ATXN1: variants seen among roughly 807,000 people sequenced by gnomAD.
The protein encoded by ATXN1 is ataxin 1.
In ATXN1, 8 loss-of-function variants were observed where a neutral mutation model predicts 56.4. That is an observed-to-expected ratio of 0.14 (90% CI 0.08 to 0.26). The LOEUF (loss-of-function observed/expected upper bound fraction) is 0.26, where lower values mean the gene tolerates loss of function less well. ATXN1 is among the 10% of genes least tolerant of loss of function. ATXN1 has a pLI of 1.00. For synonymous variants in ATXN1, 514 were observed against 494.6 expected, an observed-to-expected ratio of 1.04 and a Z score of -0.52; for missense variants, 987 against 1,106.5, an observed-to-expected ratio of 0.89 and a Z score of 1.53.
chr6:16,479,868 T>C (rs77507217), intron 6 of ATXN1, among the ~76,000 whole-genome samples: 2,191 of 152,264 alleles, frequency 0.014, 48 homozygotes, highest in African/African-American at 0.05. Context: ...AGATCCAAAA[T>C]GTGCCAGGCG....
chr6:16,759,528 C>CG (rs1561842989), intron 1 of ATXN1, among the ~76,000 whole-genome samples: 1 of 64,472 alleles, frequency 1.6e-5, no homozygotes, highest in South Asian at 4.9e-4. Context: ...CTTCTTCCGA[C>CG]TGTTTTTTTT....
intron 6 of ATXN1, among the ~76,000 whole-genome samples, chr6:16,364,322 T>G (rs952339367): frequency 2.0e-5 from 3 of 150,752 alleles, no homozygotes; most frequent in African/African-American, 4.9e-5. Context: ...TTTTTTTTTT[T>G]GGAGATGGAG....
chr6:16,400,266 A>G (rs534379389), intron 6 of ATXN1, among the ~76,000 whole-genome samples: 1 of 152,296 alleles, frequency 6.6e-6, no homozygotes, highest in African/African-American at 2.4e-5. Flanking sequence ...TCCTCAGAAC[A>G]TTCTCTCCAA....
At chr6:16,513,517 A>G (rs1174799591) in intron 5 of ATXN1, among the ~76,000 whole-genome samples, 1 of 151,936 alleles carries the variant, frequency 6.6e-6, no homozygotes, top group Non-Finnish European at 1.5e-5. Context: ...TTAAATATGC[A>G]CCTCCCCCGG....
intron 6 of ATXN1, among the ~76,000 whole-genome samples, chr6:16,389,315 T>C (rs971909734): frequency 7.9e-6 from 1 of 126,944 alleles, no homozygotes; most frequent in African/African-American, 3.3e-5. Flanking sequence ...CCAGCCTGAG[T>C]GACAGAGCGA....
chr6:16,511,932 C>T (rs1435633819), intron 5 of ATXN1, among the ~76,000 whole-genome samples: 2 of 152,208 alleles, frequency 1.3e-5, no homozygotes, highest in African/African-American at 4.8e-5. Flanking sequence ...TTCCAGGTAG[C>T]TTGGCTTCCT....
intron 3 of ATXN1, among the ~76,000 whole-genome samples, chr6:16,638,443 C>A (rs1393460869): frequency 1.0e-5 from 1 of 99,178 alleles, no homozygotes. Flanking sequence ...TAGACGCTGC[C>A]TCAAAAAAAA....
At chr6:16,448,676 T>TAA (rs763597488) in intron 6 of ATXN1, among the ~76,000 whole-genome samples, 4 of 152,212 alleles carry the variant, frequency 2.6e-5, no homozygotes, top group Non-Finnish European at 4.4e-5. Flanking sequence ...ACAAGGACAC[T>TAA]ATATACAGTT....
chr6:16,306,317 C>T lies in ATXN1; in HGVS notation c.*12G>A. Reference sequence around the variant, plus strand: ...TAAGGGAGAGCCACGTTTCCTTTCCCCCACGCTGCCTCTACTTGCCTACAT... The same window carrying T: ...TAAGGGAGAGCCACGTTTCCTTTCCTCCACGCTGCCTCTACTTGCCTACAT... On this transcript the variant is annotated 3_prime_UTR_variant, in exon 8 of 8. Coordinates refer to ENST00000436367, the MANE Select transcript of ATXN1 (RefSeq NM_001128164.2). The surrounding 1 kb of genome is among the most constrained non-coding windows in gnomAD (Gnocchi z 5.2). 6.3e-7 allele frequency: 1 copy of T among 1,586,892 alleles called. No homozygotes were observed. The highest frequency in any genetic ancestry group is 8.6e-7 in the Non-Finnish European group (1 of 1,168,034).
intron 3 of ATXN1, among the ~76,000 whole-genome samples, chr6:16,602,645 T>TTTC (rs1314917566): frequency 1.3e-5 from 2 of 151,970 alleles, no homozygotes; most frequent in Non-Finnish European, 2.9e-5. Context: ...ACAGATGGGG[T>TTTC]TTCACCGTGT....
intron 2 of ATXN1, among the ~76,000 whole-genome samples, chr6:16,661,471 G>T (rs1168512842): frequency 6.6e-6 from 1 of 152,140 alleles, no homozygotes; most frequent in Non-Finnish European, 1.5e-5. Flanking sequence ...TGATTGTCAG[G>T]AATAGACCAT....
At chr6:16,394,909 A>C (rs1758421519) in intron 6 of ATXN1, among the ~76,000 whole-genome samples, 1 of 152,238 alleles carries the variant, frequency 6.6e-6, no homozygotes, top group Admixed American at 6.5e-5. Context: ...AAGGAGAAAC[A>C]GTAGCATGTT....
intron 3 of ATXN1, among the ~76,000 whole-genome samples, chr6:16,624,431 A>G (rs190731509): frequency 3.1e-4 from 47 of 151,748 alleles, no homozygotes; most frequent in Admixed American, 1.2e-3. Context: ...AGTTAATACC[A>G]CTGAATGTAC....
chr6:16,620,262 A>AACACACACACACACACACAC (rs60586256), intron 3 of ATXN1, among the ~76,000 whole-genome samples: 1 of 137,410 alleles, frequency 7.3e-6, no homozygotes, highest in Admixed American at 7.3e-5. Flanking sequence ...CTGTCTCTCA[A>AACACACACACACACACACAC]ACACACACAC....
At chr6:16,354,856 C>G (rs1761652213) in intron 6 of ATXN1, among the ~76,000 whole-genome samples, 1 of 152,196 alleles carries the variant, frequency 6.6e-6, no homozygotes, top group Non-Finnish European at 1.5e-5. Flanking sequence ...GCAAGAAACT[C>G]TACAGAGTGG....
At chr6:16,390,564 A>C in intron 6 of ATXN1, among the ~76,000 whole-genome samples, 1 of 151,536 alleles carries the variant, frequency 6.6e-6, no homozygotes, top group African/African-American at 2.4e-5. Context: ...TGGATTTTCT[A>C]CCTCCATTTG....
chr6:16,452,093 G>T (rs551406178), intron 6 of ATXN1, among the ~76,000 whole-genome samples: 11 of 152,192 alleles, frequency 7.2e-5, no homozygotes, highest in Admixed American at 6.5e-5. Flanking sequence ...GAACAAGACA[G>T]ATGCCTACTA....
chr6:16,550,135 T>C (rs1391348474), intron 4 of ATXN1, among the ~76,000 whole-genome samples: 1 of 46,780 alleles, frequency 2.1e-5, no homozygotes, highest in African/African-American at 9.1e-5. Context: ...GAACTTAAAG[T>C]AAAATAAATA....
At chr6:16,330,317 C>T (rs543319666) in intron 6 of ATXN1, among the ~76,000 whole-genome samples, 2 of 152,122 alleles carry the variant, frequency 1.3e-5, no homozygotes, top group Non-Finnish European at 2.9e-5. Flanking sequence ...AACATAACCC[C>T]CTTTCTCTAC....
Sources: gnomAD v4.1 joint callset for allele counts (sites outside exome capture counted in the v4.1 genomes callset) on GRCh38, gnomAD v4.1.1 for gene constraint, Gnocchi (gnomAD v3.1) non-coding constraint, MANE v1.5 for transcripts, NCBI Gene and HGNC (gene_info 2026-07-23, HGNC 2026-07-21) for gene names.